ZNF804A: variants seen among roughly 807,000 people sequenced by gnomAD.
The protein encoded by ZNF804A is zinc finger protein 804A.
Under a neutral mutation model 16.5 loss-of-function variants are expected in ZNF804A, and 2 were observed. That is an observed-to-expected ratio of 0.12 (90% CI 0.05 to 0.38). The LOEUF (loss-of-function observed/expected upper bound fraction) is 0.38. ZNF804A is among the 10% of genes least tolerant of loss of function. ZNF804A has a pLI of 0.99. For synonymous variants in ZNF804A, 534 were observed against 489.6 expected, an observed-to-expected ratio of 1.09 and a Z score of -1.20; for missense variants, 1,473 against 1,390.7, an observed-to-expected ratio of 1.06 and a Z score of -0.94.
chr2:184,867,824 C>A (rs762303306), intron 2 of ZNF804A, among the ~76,000 whole-genome samples: 1 of 152,050 alleles, frequency 6.6e-6, no homozygotes, highest in Non-Finnish European at 1.5e-5. Context: ...GAGTTGAAGT[C>A]TGAGAAAGTC....
intron 1 of ZNF804A, among the ~76,000 whole-genome samples, chr2:184,715,203 G>A (rs1693195096): frequency 6.6e-6 from 1 of 152,150 alleles, no homozygotes; most frequent in Admixed American, 6.6e-5. Context: ...TATAGAATGA[G>A]TGTAATTTGG....
chr2:184,898,246 C>A (rs973631004), intron 2 of ZNF804A, among the ~76,000 whole-genome samples: 7 of 152,070 alleles, frequency 4.6e-5, no homozygotes, highest in African/African-American at 1.4e-4. Flanking sequence ...TCTATCTGCA[C>A]ATAAGTGAGT....
At position 184,747,434 on chromosome 2, in the gene ZNF804A, A is replaced by G. The variant is rs1040350446; in HGVS notation, c.112-118935A>G. The stretch of plus-strand genomic sequence containing the variant: ...TTGCTCATTTTTTAAACACATTTAA[A>G]CAAGTATGATTTTAATATATTTTAC... On this transcript the variant is annotated intron_variant, in intron 1 of 3. Coordinates refer to ENST00000302277, the MANE Select transcript of ZNF804A (RefSeq NM_194250.2). 5.9e-4 allele frequency among the ~76,000 whole-genome samples: 89 copies of G among 151,072 alleles called. 1 individual carries two copies. Among genetic ancestry groups the G allele is most frequent in the Non-Finnish European group, 2.1e-4 (14 of 67,374 alleles).
Position 184,936,231 on chromosome 2 carries a change from C to T in ZNF804A, c.835C>T (p.His279Tyr). ...TTCTGAGGAGAAAACTAACTCTTTTCATCCACCAGAGGCAATGTGCAGAGA... is the reference window on the plus strand; with the variant it reads ...TTCTGAGGAGAAAACTAACTCTTTTTATCCACCAGAGGCAATGTGCAGAGA... Reference protein sequence around the residue: ...LSSEEKTNSFHPPEAMCRDKE... With the variant: ...LSSEEKTNSFYPPEAMCRDKE... The change falls in exon 4 of 4, where the codon CAT becomes TAT. Residue 279 changes from histidine to tyrosine, a missense_variant. His to Tyr is a moderately conservative substitution (Grantham distance 83). Transcript: ENST00000302277. The T allele has an allele frequency of 3.7e-6, 6 of 1,614,016 alleles. No homozygotes were observed. Among genetic ancestry groups the T allele is most frequent in the Non-Finnish European group, 5.1e-6 (6 of 1,179,970 alleles).
chr2:184,871,022 T>C (rs1695966027), intron 2 of ZNF804A, among the ~76,000 whole-genome samples: 1 of 151,198 alleles, frequency 6.6e-6, no homozygotes, highest in African/African-American at 2.4e-5. Flanking sequence ...TAAGAGCAAA[T>C]AACACTTTCA....
chr2:184,794,942 G>T (rs1001903840), intron 1 of ZNF804A, among the ~76,000 whole-genome samples: 1 of 152,050 alleles, frequency 6.6e-6, no homozygotes, highest in African/African-American at 2.4e-5. Flanking sequence ...ATAGACCTAA[G>T]AAGTGAGATA....
intron 2 of ZNF804A, among the ~76,000 whole-genome samples, chr2:184,883,434 A>G (rs979238388): frequency 9.2e-5 from 14 of 152,122 alleles, no homozygotes; most frequent in African/African-American, 2.9e-4. Flanking sequence ...TGAGGCCAGC[A>G]TCATCTTGAT....
chr2:184,849,853 G>A (rs1695575119), intron 1 of ZNF804A, among the ~76,000 whole-genome samples: 1 of 151,780 alleles, frequency 6.6e-6, no homozygotes, highest in Middle Eastern at 3.2e-3. Context: ...AAGAAAATGG[G>A]GTTCATATGC....
intron 1 of ZNF804A, among the ~76,000 whole-genome samples, chr2:184,846,956 C>A (rs1262293436): frequency 2.0e-5 from 3 of 152,166 alleles, no homozygotes; most frequent in Non-Finnish European, 4.4e-5. Flanking sequence ...TGAACAGATT[C>A]TAAGGTTAGA....
chr2:184,637,321 T>G (rs965430497), intron 1 of ZNF804A, among the ~76,000 whole-genome samples: 2 of 152,172 alleles, frequency 1.3e-5, no homozygotes, highest in Admixed American at 1.3e-4. Context: ...AGCAGGAAAC[T>G]GAGCATTATT....
intron 1 of ZNF804A, among the ~76,000 whole-genome samples, chr2:184,684,577 G>A (rs1274404364): frequency 6.6e-6 from 1 of 152,046 alleles, no homozygotes; most frequent in Non-Finnish European, 1.5e-5. Flanking sequence ...TTTATTAAAT[G>A]TAAACTTATA....
chr2:184,803,167 A>G (rs1694751421), intron 1 of ZNF804A, among the ~76,000 whole-genome samples: 4 of 152,182 alleles, frequency 2.6e-5, no homozygotes, highest in South Asian at 2.1e-4. Context: ...TTTCTTGAGC[A>G]TATCAGGTAC....
At chr2:184,836,412 T>C (rs1363573808) in intron 1 of ZNF804A, among the ~76,000 whole-genome samples, 4 of 152,068 alleles carry the variant, frequency 2.6e-5, no homozygotes, top group African/African-American at 4.8e-5. Context: ...ACAGACAAGA[T>C]ACAGAATCAG....
At chr2:184,909,676 T>C (rs545738924) in intron 2 of ZNF804A, among the ~76,000 whole-genome samples, 1 of 152,168 alleles carries the variant, frequency 6.6e-6, no homozygotes, top group African/African-American at 2.4e-5. Flanking sequence ...CACCTCTGGG[T>C]CAATTTTCTC....
rs17509559 is a variant in ZNF804A at position 184,865,333 on chromosome 2, A to T, written c.112-1036A>T. Among the ~76,000 whole-genome samples the T allele has an allele frequency of 3.6e-3, 542 of 152,014 alleles. 3 individuals are homozygous for T. Among genetic ancestry groups the T allele is most frequent in the Middle Eastern group, 6.8e-3 (2 of 292 alleles). On this transcript the variant is annotated intron_variant, in intron 1 of 3. Transcript: ENST00000302277. ...CAATTTTCACTTATTCAGTGAAAGAATTGGACAGTGTTTCCGTGTGTAAAC... is the reference window on the plus strand; with the variant it reads ...CAATTTTCACTTATTCAGTGAAAGATTTGGACAGTGTTTCCGTGTGTAAAC...
At chr2:184,911,438 G>A (rs893639087) in intron 2 of ZNF804A, among the ~76,000 whole-genome samples, 2 of 151,940 alleles carry the variant, frequency 1.3e-5, no homozygotes, top group Non-Finnish European at 1.5e-5. Context: ...GCTTAAGATT[G>A]TTTTGGCTAT....
chr2:184,811,661 A>C (rs1694904759), intron 1 of ZNF804A, among the ~76,000 whole-genome samples: 2 of 152,130 alleles, frequency 1.3e-5, no homozygotes, highest in Non-Finnish European at 2.9e-5. Flanking sequence ...TGCAATGTGC[A>C]ATTATGGCAC....
chr2:184,781,121 A>G (rs765895975), intron 1 of ZNF804A, among the ~76,000 whole-genome samples: 1 of 151,822 alleles, frequency 6.6e-6, no homozygotes, highest in Non-Finnish European at 1.5e-5. Context: ...AAATCTTGCC[A>G]ATCAAAATAC....
intron 1 of ZNF804A, among the ~76,000 whole-genome samples, chr2:184,804,985 A>T (rs1694781105): frequency 6.6e-6 from 1 of 152,306 alleles, no homozygotes; most frequent in South Asian, 2.1e-4. Context: ...CTGATTTAGT[A>T]GGTATGGGAC....
Sources: gnomAD v4.1 joint callset for allele counts (sites outside exome capture counted in the v4.1 genomes callset) on GRCh38, gnomAD v4.1.1 for gene constraint, MANE v1.5 for transcripts, NCBI Gene and HGNC (gene_info 2026-07-23, HGNC 2026-07-21) for gene names.